Variants in IKBKB observed in about 807,000 individuals in gnomAD.
IKBKB encodes inhibitor of nuclear factor kappa-B kinase subunit beta.
In IKBKB, 42 loss-of-function variants were observed where a neutral mutation model predicts 113.6. The observed-to-expected ratio is 0.37, with a 90% CI of 0.29 to 0.48. IKBKB has a LOEUF of 0.48. Among genes scored for constraint, IKBKB ranks in the 20% least tolerant of loss-of-function variants. The pLI is 0.99. For synonymous variants in IKBKB, 296 were observed against 361.3 expected (o/e 0.82, Z 2.05); for missense variants, 673 against 939.7 (o/e 0.72, Z 3.71).
At chr8:42,325,914 A>T in intron 19 of IKBKB, 56 bp from the exon 20 acceptor site, 1 of 1,607,748 alleles carries the variant, frequency 6.2e-7, no homozygotes, top group Non-Finnish European at 8.5e-7. Flanking sequence ...CTGTGGCGTG[A>T]ATGCAAAATG....
chr8:42,291,011 G>A (rs1012314080), intron 4 of IKBKB, among the ~76,000 whole-genome samples: 2 of 152,170 alleles, frequency 1.3e-5, no homozygotes, highest in African/African-American at 4.8e-5. Context: ...GGGTGCACAG[G>A]TATGGTTCCC....
intron 5 of IKBKB, 175 bp downstream of exon 5, chr8:42,293,687 C>T: frequency 1.0e-6 from 1 of 964,598 alleles, no homozygotes; most frequent in East Asian, 2.6e-5. Context: ...AGGAGTCAGC[C>T]AGACAGATGC....
chr8:42,300,037 T>C (rs921884891), intron 5 of IKBKB, among the ~76,000 whole-genome samples: 1 of 152,218 alleles, frequency 6.6e-6, no homozygotes, highest in Non-Finnish European at 1.5e-5. Flanking sequence ...TGTGTGCAGA[T>C]AGTGGACACT....
In IKBKB at chr8:42,318,509, A is replaced by G. The variant is rs759982697; in HGVS notation, c.1241-43A>G. 8 of 1,600,994 alleles carry G rather than the reference A, an allele frequency of 5.0e-6. No homozygotes were observed. The Admixed American group carries it at 1.0e-4, about 20-fold the overall frequency. On this transcript the variant is annotated intron_variant, in intron 12 of 21. Coordinates refer to ENST00000520810, the MANE Select transcript of IKBKB (RefSeq NM_001556.3). ...GGATATGGTTAATTGTAGGAGAGTT[A>G]TTGTGGTTATTCTTTGACAATTGCT...
intron 2 of IKBKB, among the ~76,000 whole-genome samples, chr8:42,274,784 G>GCCACC (rs1563290444): frequency 2.4e-5 from 1 of 41,650 alleles, no homozygotes; most frequent in African/African-American, 4.2e-5. Flanking sequence ...CCCCGCCGGC[G>GCCACC]CGCCCCCCCC....
At chr8:42,285,102 T>C (rs1011932477) in intron 2 of IKBKB, among the ~76,000 whole-genome samples, 1 of 151,926 alleles carries the variant, frequency 6.6e-6, no homozygotes, top group African/African-American at 2.4e-5. Flanking sequence ...GTGATCCACC[T>C]GCCTGGGCCT....
intron 21 of IKBKB, chr8:42,329,550 G>A (rs1468959440): frequency 1.1e-6 from 1 of 872,990 alleles, no homozygotes; most frequent in African/African-American, 1.8e-5. Flanking sequence ...TAATAATAGT[G>A]ATGTCTAACA....
At chr8:42,278,178 C>A (rs1037754204) in intron 2 of IKBKB, among the ~76,000 whole-genome samples, 2 of 152,162 alleles carry the variant, frequency 1.3e-5, no homozygotes, top group South Asian at 4.2e-4. Context: ...GAGTTCCAGG[C>A]CAAGGGAGAG....
intron 5 of IKBKB, among the ~76,000 whole-genome samples, chr8:42,304,591 G>T (rs1585692065): frequency 6.6e-6 from 1 of 152,230 alleles, no homozygotes; most frequent in East Asian, 1.9e-4. Flanking sequence ...GTCTGTGTAG[G>T]GCTGTCTGTA....
intron 5 of IKBKB, among the ~76,000 whole-genome samples, chr8:42,301,304 T>C (rs553220926): frequency 6.6e-6 from 1 of 152,400 alleles, no homozygotes; most frequent in African/African-American, 2.4e-5. Context: ...TTACTGCTAT[T>C]GCCAGGGATT....
intron 2 of IKBKB, 93 bp from the exon 3 acceptor site, chr8:42,288,541 C>A: frequency 1.1e-6 from 1 of 893,734 alleles, no homozygotes. Flanking sequence ...TTGCAGGTAA[C>A]GCTTGGGGCC....
chr8:42,324,612 C>T (rs1381159339), intron 19 of IKBKB: 1 of 152,308 alleles, frequency 6.6e-6, no homozygotes, highest in African/African-American at 2.4e-5. Context: ...TGTCTTTTCC[C>T]TTGATATTAA....
At chr8:42,275,900 G>A (rs1808977283) in intron 2 of IKBKB, among the ~76,000 whole-genome samples, 1 of 151,960 alleles carries the variant, frequency 6.6e-6, no homozygotes, top group South Asian at 2.1e-4. Context: ...GGAGTGCAGT[G>A]GCATGATCTC....
intron 9 of IKBKB, among the ~76,000 whole-genome samples, chr8:42,315,714 G>A (rs1001594574): frequency 6.6e-6 from 1 of 152,136 alleles, no homozygotes; most frequent in Non-Finnish European, 1.5e-5. Flanking sequence ...AGGCTAGAGT[G>A]CAGTGTGGCA....
chr8:42,306,990 C>T (rs1213390166), intron 7 of IKBKB, among the ~76,000 whole-genome samples: 3 of 152,144 alleles, frequency 2.0e-5, no homozygotes, highest in Non-Finnish European at 4.4e-5. Context: ...GCTGGTGATG[C>T]AGTGGGGAAA....
intron 8 of IKBKB, among the ~76,000 whole-genome samples, chr8:42,311,186 A>G (rs1817627330): frequency 6.6e-6 from 1 of 152,214 alleles, no homozygotes; most frequent in Non-Finnish European, 1.5e-5. Flanking sequence ...AACACTGGCT[A>G]TTGTCACCTT....
chr8:42,277,614 C>T (rs1443101067), intron 2 of IKBKB, among the ~76,000 whole-genome samples: 2 of 152,198 alleles, frequency 1.3e-5, no homozygotes, highest in South Asian at 2.1e-4. Context: ...GCGCTGAGCC[C>T]TCTTGCCGGA....
chr8:42,305,729 G>A (rs1816378901), intron 6 of IKBKB, among the ~76,000 whole-genome samples: 1 of 152,220 alleles, frequency 6.6e-6, no homozygotes, highest in Admixed American at 6.5e-5. Context: ...GCTCTTTGTG[G>A]CCTCCTCAGT....
At position 42,272,067 on chromosome 8, in the gene IKBKB, C is replaced by A. The variant is rs199683589; in HGVS notation, c.-18-16C>A. ...CTTAATCCTAACCTTTTTTCCCCATCCCAAATTGCTTATAGAGTTAGCACG... is the reference window on the plus strand; with the variant it reads ...CTTAATCCTAACCTTTTTTCCCCATACCAAATTGCTTATAGAGTTAGCACG... On this transcript the variant is annotated splice_polypyrimidine_tract_variant and intron_variant, in intron 1 of 21. Transcript: ENST00000520810. The A allele has an allele frequency of 1.1e-5, 17 of 1,597,192 alleles. No homozygotes were observed. The highest frequency in any genetic ancestry group is 1.4e-5 in the Non-Finnish European group (16 of 1,171,470).
Sources: allele counts gnomAD v4.1 joint callset (sites outside exome capture counted in the v4.1 genomes callset), GRCh38; gene constraint gnomAD v4.1.1; transcripts MANE v1.5; gene names NCBI Gene and HGNC (gene_info 2026-07-23, HGNC 2026-07-21).